FBXO21: variants seen among roughly 807,000 people sequenced by gnomAD.
FBXO21 encodes the protein F-box protein 21.
Under a neutral mutation model 76.6 loss-of-function variants are expected in FBXO21, and 32 were observed. The ratio of observed to expected loss-of-function variants is 0.42; its 90% CI spans 0.32 to 0.56. The LOEUF is 0.56. Ranked by LOEUF, FBXO21 falls within the 20% of genes least tolerant of loss-of-function variation. FBXO21 has a pLI of 0.16. For missense variants in FBXO21, 586 were observed against 797.3 expected, an observed-to-expected ratio of 0.73 and a Z score of 3.19; for synonymous variants, 328 against 311.5, an observed-to-expected ratio of 1.05 and a Z score of -0.56.
intron 9 of FBXO21, among the ~76,000 whole-genome samples, chr12:117,162,496 TAAG>T (rs942210511): frequency 2.0e-5 from 3 of 152,224 alleles, no homozygotes; most frequent in Admixed American, 1.3e-4. Flanking sequence ...ATAGGGCTGC[TAAG>T]AAGATGGAAG....
In FBXO21 at chr12:117,158,226, G is replaced by A. The variant is rs150504074; in HGVS notation, c.1327-163C>T. ...GGTCCAGGTCTCTGGACCATCCTCT[G>A]ATGGACCGCCACCAAATCGGCACTG... On this transcript the variant is annotated intron_variant, in intron 9 of 11. Coordinates refer to ENST00000622495, the MANE Select transcript of FBXO21 (RefSeq NM_015002.3). 3.9e-5 allele frequency: 28 copies of A among 716,706 alleles called. No homozygotes were observed. The Middle Eastern group carries it at 1.2e-3, about 31-fold the overall frequency. 44.4% of individuals were successfully genotyped at this position (716,706 alleles called of 1,614,324 possible).
At chr12:117,182,230 A>G (rs1420437593) in intron 3 of FBXO21, among the ~76,000 whole-genome samples, 1 of 152,174 alleles carries the variant, frequency 6.6e-6, no homozygotes, top group African/African-American at 2.4e-5. Context: ...TTGTTGGCTC[A>G]CACTTATAGT....
intron 11 of FBXO21, among the ~76,000 whole-genome samples, chr12:117,147,299 AAAAAAAAAG>A (rs1298887766): frequency 3.5e-5 from 4 of 115,698 alleles, no homozygotes; most frequent in African/African-American, 1.1e-4. Context: ...GGAAAAAAAA[AAAAAAAAAG>A]AAAAAAAAAA....
At chr12:117,149,729 T>C (rs910760377) in intron 11 of FBXO21, among the ~76,000 whole-genome samples, 4 of 152,232 alleles carry the variant, frequency 2.6e-5, no homozygotes, top group Non-Finnish European at 2.9e-5. Context: ...TGTTTCAGCA[T>C]TGTTCCCTTC....
intron 7 of FBXO21, among the ~76,000 whole-genome samples, chr12:117,169,539 T>A (rs1262061285): frequency 2.0e-5 from 3 of 151,908 alleles, no homozygotes; most frequent in African/African-American, 7.3e-5. Context: ...CCTTATCATA[T>A]GAGTAGACAC....
intron 5 of FBXO21, 79 bp downstream of exon 5, chr12:117,174,572 C>T (rs73206061): frequency 0.042 from 62,280 of 1,499,748 alleles, 1,637 homozygotes; most frequent in Non-Finnish European, 0.05. Context: ...AATGGCAGCA[C>T]ACTAACAAAT....
rs1395301401 is a variant in FBXO21, at chr12:117,143,401, G to A, written c.*2686C>T. 1 of 152,186 alleles carries A rather than the reference G, an allele frequency of 6.6e-6. No individual in the cohort carries two copies. Among genetic ancestry groups the A allele is most frequent in the Non-Finnish European group, 1.5e-5 (1 of 68,044 alleles). 9.4% of individuals were successfully genotyped at this position (152,186 alleles called of 1,614,324 possible). A position where few individuals can be genotyped will look rare whatever the true frequency, so the allele number is the denominator to read the frequency against. ...ACATAGTAGGTAGTAACATCACACG[G>A]AAACAGTGCTCTGAAGACATTCTGG... On this transcript the variant is annotated 3_prime_UTR_variant, in exon 12 of 12. Transcript: ENST00000622495.
In FBXO21 at chr12:117,179,179, T is replaced by C. The variant is rs180871923; in HGVS notation, c.471-1538A>G. Reference sequence around the variant, plus strand: ...ACTTTTTAACCTTTGAGTTGTAAAATATATCAATCTAGAAAATTGTGTGAA... The same window carrying C: ...ACTTTTTAACCTTTGAGTTGTAAAACATATCAATCTAGAAAATTGTGTGAA... On this transcript the variant is annotated intron_variant, in intron 3 of 11. Coordinates refer to ENST00000622495, the MANE Select transcript of FBXO21 (RefSeq NM_015002.3). Among the ~76,000 whole-genome samples, 4 of 152,314 alleles carry C rather than the reference T, an allele frequency of 2.6e-5. No individual in the cohort carries two copies. The East Asian group carries it at 5.8e-4, about 22-fold the overall frequency.
chr12:117,180,944 T>G (rs906272591), intron 3 of FBXO21, among the ~76,000 whole-genome samples: 10 of 152,192 alleles, frequency 6.6e-5, no homozygotes, highest in African/African-American at 2.2e-4. Context: ...CAGCTAAATA[T>G]TTTGCATATG....
intron 3 of FBXO21, 113 bp downstream of exon 3, chr12:117,186,364 C>A (rs1956283761): frequency 1.3e-6 from 1 of 745,644 alleles, no homozygotes; most frequent in Non-Finnish European, 2.3e-6. Context: ...GTAACTATGA[C>A]AAGGCGTGAA....
intron 7 of FBXO21, among the ~76,000 whole-genome samples, chr12:117,170,706 T>C (rs781164560): frequency 7.2e-5 from 11 of 152,202 alleles, no homozygotes; most frequent in Non-Finnish European, 1.3e-4. Flanking sequence ...GTATGTCTGC[T>C]GTAGCACACG....
In FBXO21 at chr12:117,166,899, G is replaced by A. The variant is rs1266197193; in HGVS notation, c.1192C>T (p.Arg398Trp). 4 of 1,613,632 alleles carry A rather than the reference G, an allele frequency of 2.5e-6. No individual in the cohort carries two copies. The highest frequency in any genetic ancestry group is 2.5e-6 in the Non-Finnish European group (3 of 1,179,616). ...MVGNLLSLGKREGIDQSYQLL... is the reference protein window; with the variant it reads ...MVGNLLSLGKWEGIDQSYQLL... ...ACTAGAAAACCAAGAAAACCTTACC[G>A]CTTCCCCAGGCTTAACAGGTTTCCC... The change falls in exon 8 of 12, where the codon CGG (arginine) becomes TGG (tryptophan). Residue 398 changes from arginine (R) to tryptophan (W), a missense_variant and splice_region_variant. Physicochemically the swap from Arg to Trp is moderately radical, Grantham distance 101. Transcript: ENST00000622495.
At chr12:117,157,294 C>T (rs960784138) in intron 10 of FBXO21, among the ~76,000 whole-genome samples, 1 of 152,092 alleles carries the variant, frequency 6.6e-6, no homozygotes, top group African/African-American at 2.4e-5. Context: ...AGAACCTTAA[C>T]GTGTTTAGTA....
chr12:117,172,618 A>T lies in FBXO21; in HGVS notation c.877-11T>A. 6.2e-7 allele frequency: 1 copy of T among 1,608,470 alleles called. No homozygotes were observed. Among genetic ancestry groups the T allele is most frequent in the Non-Finnish European group, 8.5e-7 (1 of 1,175,428 alleles). On this transcript the variant is annotated splice_polypyrimidine_tract_variant and intron_variant, in intron 6 of 11. Transcript: ENST00000622495. Reference sequence around the variant, plus strand: ...TCTGCGAATCAAAACCTAAAGCAGAAAAAATGCTTTTATTTCACTGGGATG... The same window carrying T: ...TCTGCGAATCAAAACCTAAAGCAGATAAAATGCTTTTATTTCACTGGGATG...
chr12:117,146,383 T>C lies in FBXO21; in HGVS notation c.1676-106A>G, dbSNP rs914614725. ...CCCCTTCCAGGTGGCATTTTTGGGG[T>C]GGAGAAGGGAAGACTGAAGATGTTT... On this transcript the variant is annotated intron_variant, in intron 11 of 11. Transcript: ENST00000622495. The C allele has an allele frequency of 3.3e-6, 3 of 900,870 alleles. No homozygotes were observed. The African/African-American group carries it at 5.0e-5, about 15-fold the overall frequency. The allele number at this position is 900,870 out of a possible 1,614,324, so 55.8% of individuals were successfully genotyped here.
Position 117,163,318 on chromosome 12 carries a change from A to G in FBXO21, c.1326+2167T>C, listed in dbSNP as rs181313544. Among the ~76,000 whole-genome samples, 5 of 152,106 alleles carry G rather than the reference A, an allele frequency of 3.3e-5. No individual in the cohort carries two copies. The East Asian group carries it at 9.7e-4, about 30-fold the overall frequency. ...GAGGCCGAGGCAGGTGGATCACTTGAGGTCAGGAGTTCAAGACCAGCCTGG... is the reference window on the plus strand; with the variant it reads ...GAGGCCGAGGCAGGTGGATCACTTGGGGTCAGGAGTTCAAGACCAGCCTGG... On this transcript the variant is annotated intron_variant, in intron 9 of 11. Transcript: ENST00000622495.
intron 9 of FBXO21, among the ~76,000 whole-genome samples, chr12:117,159,199 C>A (rs1158029191): frequency 6.6e-6 from 1 of 152,176 alleles, no homozygotes; most frequent in Admixed American, 6.5e-5. Context: ...ATTTACTGAA[C>A]ACTATTCTCT....
rs759956434 is a variant in FBXO21 at position 117,155,804 on chromosome 12, T to C, written c.1662A>G (p.Arg554=). ...CCCGCCGCTTACCTTGGGCTGCGTA[T>C]CGACAGGAGCCGTCCTCCACCAGCA... ...YNVLVEDGSC[R]YAAQENLEYN... Residue 554 remains arginine (R), a synonymous_variant, in exon 11 of 12, where the codon CGA becomes CGG. Coordinates refer to ENST00000622495, the MANE Select transcript of FBXO21 (RefSeq NM_015002.3). 109 of 1,613,560 alleles carry C rather than the reference T, an allele frequency of 6.8e-5. No homozygotes were observed. The South Asian group carries it at 1.1e-3, about 17-fold the overall frequency.
At chr12:117,150,928 A>G (rs1330972824) in intron 11 of FBXO21, among the ~76,000 whole-genome samples, 1 of 87,988 alleles carries the variant, frequency 1.1e-5, no homozygotes, top group Non-Finnish European at 2.2e-5. Context: ...TATGGGTGGA[A>G]AGTTGAGTTT....
Sources: gnomAD v4.1 joint callset for allele counts (sites outside exome capture counted in the v4.1 genomes callset) on GRCh38, gnomAD v4.1.1 for gene constraint, MANE v1.5 for transcripts, NCBI Gene and HGNC (gene_info 2026-07-23, HGNC 2026-07-21) for gene names.